PRDM16: variants seen among roughly 807,000 people sequenced by gnomAD.
The protein encoded by PRDM16 is histone-lysine N-methyltransferase PRDM16.
PRDM16 carries 23 observed loss-of-function variants against 110.6 expected under a neutral mutation model. That is an observed-to-expected ratio of 0.21 (90% CI 0.15 to 0.29). The LOEUF (loss-of-function observed/expected upper bound fraction) is 0.29. Ranked by LOEUF, PRDM16 falls within the 10% of genes least tolerant of loss-of-function variation. The pLI, the probability that PRDM16 is intolerant of heterozygous loss-of-function variation, is 1.00. For synonymous variants in PRDM16, 799 were observed against 781.8 expected (o/e 1.02, Z -0.37); for missense variants, 1,615 against 1,794.3 (o/e 0.90, Z 1.81).
intron 1 of PRDM16, among the ~76,000 whole-genome samples, chr1:3,126,170 G>A (rs1374035783): frequency 2.0e-5 from 3 of 152,172 alleles, no homozygotes; most frequent in East Asian, 1.9e-4. Flanking sequence ...GGGCCCGGGC[G>A]CCGCTGGCCG....
At chr1:3,180,895 C>T (rs74932712) in intron 1 of PRDM16, among the ~76,000 whole-genome samples, 24,961 of 142,186 alleles carry the variant, frequency 0.18, 2,684 homozygotes, top group East Asian at 0.37. Context: ...CACACGGCCT[C>T]ACACACGCAG....
At chr1:3,176,781 T>G (rs1450160104) in intron 1 of PRDM16, among the ~76,000 whole-genome samples, 3 of 137,944 alleles carry the variant, frequency 2.2e-5, no homozygotes, top group African/African-American at 8.2e-5. Flanking sequence ...TCCATCCCCT[T>G]ATAAATCCAT....
chr1:3,095,334 C>T (rs980324055), intron 1 of PRDM16, among the ~76,000 whole-genome samples: 16 of 152,136 alleles, frequency 1.1e-4, no homozygotes, highest in East Asian at 7.7e-4. Context: ...GCAAACAACT[C>T]GGTGTGTCTC....
Position 3,418,712 on chromosome 1 carries a change from C to T in PRDM16, c.2907C>T (p.His969=). 6.2e-7 allele frequency: 1 copy of T among 1,613,836 alleles called. No homozygotes were observed. Among genetic ancestry groups the T allele is most frequent in the South Asian group, 1.1e-5 (1 of 91,086 alleles). ...IFPRSANLTR[H]LRTHTGEQPY... ...CCAGATCAGCCAATCTCACCAGACA[C>T]CTGAGGACGCACACTGGGGAGCAGC... Residue 969 remains histidine (H), a synonymous_variant, in exon 12 of 17, where the codon CAC becomes CAT. Coordinates refer to ENST00000270722, the MANE Select transcript of PRDM16 (RefSeq NM_022114.4).
At chr1:3,430,143 G>A (rs1638727185) in intron 14 of PRDM16, among the ~76,000 whole-genome samples, 1 of 152,220 alleles carries the variant, frequency 6.6e-6, no homozygotes, top group Non-Finnish European at 1.5e-5. Flanking sequence ...ACAGCTCTTG[G>A]TCGTGAACAT....
intron 3 of PRDM16, among the ~76,000 whole-genome samples, chr1:3,325,941 CCTTGGCCATCCTCGACGATCCTTGGTCCT>C (rs1641884109): frequency 7.1e-6 from 1 of 141,426 alleles, no homozygotes; most frequent in African/African-American, 2.7e-5. Flanking sequence ...TCTTGGCCCT[CCTTGGCCATCCTCGACGATCCTTGGTCCT>C]CCTTGGCCAT....
intron 8 of PRDM16, among the ~76,000 whole-genome samples, chr1:3,407,268 C>T (rs896847507): frequency 6.6e-6 from 1 of 152,246 alleles, no homozygotes; most frequent in Non-Finnish European, 1.5e-5. Flanking sequence ...CAAGCCCCAG[C>T]GTCCAGCCGT....
rs1557663600 is a variant in PRDM16 at position 3,414,579 on chromosome 1, G to C, written c.2623G>C (p.Val875Leu). The C allele has an allele frequency of 6.2e-7, 1 of 1,613,452 alleles. No homozygotes were observed. The highest frequency in any genetic ancestry group is 1.7e-5 in the Admixed American group (1 of 60,002). Reference sequence around the variant, plus strand: ...GTCCAGCAGGGTAGAAAAGCGGAAGGTCACAGACCCCGTGGGAGCCCTGAA... The same window carrying C: ...GTCCAGCAGGGTAGAAAAGCGGAAGCTCACAGACCCCGTGGGAGCCCTGAA... ...PIYSRVEKRK[V>L]TDPVGALKEK... The change falls in exon 10 of 17, where the codon GTC (valine) becomes CTC (leucine). Residue 875 changes from valine to leucine, a missense_variant. By Grantham distance (32) the Val-to-Leu change is conservative. Transcript: ENST00000270722.
In PRDM16 at chr1:3,335,601, A is replaced by AC. The variant is rs1460604919; in HGVS notation, c.439-49551_439-49550insC. Among the ~76,000 whole-genome samples, 16 of 114,164 alleles carry AC rather than the reference A, an allele frequency of 1.4e-4. No homozygotes were observed. In the East Asian group the frequency reaches 3.7e-3, roughly 26 times the overall value. The allele number at this position is 114,164 out of a possible 152,430, so 74.9% of individuals were successfully genotyped here. On this transcript the variant is annotated intron_variant, in intron 3 of 16. Coordinates refer to ENST00000270722, the MANE Select transcript of PRDM16 (RefSeq NM_022114.4). ...GAAATCTAACCTTTGGCTGAGGTTA[A>AC]AACACACACACACACACACACACAC...
intron 2 of PRDM16, among the ~76,000 whole-genome samples, chr1:3,204,601 C>T (rs1281123928): frequency 2.0e-5 from 3 of 152,354 alleles, no homozygotes; most frequent in Non-Finnish European, 4.4e-5. Flanking sequence ...GCCAATAGCT[C>T]GGCTGCTCCG....
At chr1:3,394,542 GGCCAGGGTCCACATT>G (rs1643355797) in intron 4 of PRDM16, 1 of 417,828 alleles carries the variant, frequency 2.4e-6, no homozygotes, top group Non-Finnish European at 4.9e-6. Context: ...AGGGGCGGGC[GGCCAGGGTCCACATT>G]GCCCTCTAAC....
Position 3,433,886 on chromosome 1 carries a change from G to A in PRDM16, c.*75G>A. 1 of 1,521,428 alleles carries A rather than the reference G, an allele frequency of 6.6e-7. No homozygotes were observed. The highest frequency in any genetic ancestry group is 8.9e-7 in the Non-Finnish European group (1 of 1,118,654). 94.2% of individuals were successfully genotyped at this position (1,521,428 alleles called of 1,614,324 possible). A position where few individuals can be genotyped will look rare whatever the true frequency, so the allele number is the denominator to read the frequency against. On this transcript the variant is annotated 3_prime_UTR_variant, in exon 17 of 17. Transcript: ENST00000270722. ...AAGGACGGAGGCGGGCGGGGCCCCG[G>A]AGAACCCTGTCCCTGCGTGTGGCCA...
rs147204594 is a variant in PRDM16, at chr1:3,086,025, G to A, written c.37+16729G>A. ...GCCATAGGCTGGGCACCTTCCTTTGGCCTAAGTCAGTCTCAGAATGCGTAC... is the reference window on the plus strand; with the variant it reads ...GCCATAGGCTGGGCACCTTCCTTTGACCTAAGTCAGTCTCAGAATGCGTAC... On this transcript the variant is annotated intron_variant, in intron 1 of 16. Coordinates refer to ENST00000270722, the MANE Select transcript of PRDM16 (RefSeq NM_022114.4). Among the ~76,000 whole-genome samples, 195 of 152,354 alleles carry A rather than the reference G, an allele frequency of 1.3e-3. 1 individual carries two copies. The highest frequency in any genetic ancestry group is 8.3e-3 in the Admixed American group (127 of 15,308).
intron 3 of PRDM16, among the ~76,000 whole-genome samples, chr1:3,270,718 G>A (rs542129373): frequency 9.3e-5 from 14 of 150,212 alleles, no homozygotes; most frequent in African/African-American, 2.9e-4. Context: ...GAGGAGGACA[G>A]TCGGGAGGAG....
intron 3 of PRDM16, among the ~76,000 whole-genome samples, chr1:3,333,496 A>C (rs1642084114): frequency 2.0e-5 from 3 of 152,170 alleles, no homozygotes; most frequent in Admixed American, 2.0e-4. Context: ...GAGATGCAGG[A>C]AAAGGGGCTT....
chr1:3,378,756 C>T (rs1344829150), intron 3 of PRDM16, among the ~76,000 whole-genome samples: 1 of 152,082 alleles, frequency 6.6e-6, no homozygotes, highest in African/African-American at 2.4e-5. Context: ...GAATCAGAGA[C>T]AGTACAGGCC....
At chr1:3,119,198 A>G (rs12409836) in intron 1 of PRDM16, among the ~76,000 whole-genome samples, 37,728 of 152,110 alleles carry the variant, frequency 0.25, 5,675 homozygotes, top group African/African-American at 0.41. Context: ...GAGCCTGGCC[A>G]TTTGCTTTCA....
chr1:3,083,275 C>T (rs540646443), intron 1 of PRDM16, among the ~76,000 whole-genome samples: 4 of 152,304 alleles, frequency 2.6e-5, no homozygotes, highest in Admixed American at 6.5e-5. Flanking sequence ...AGCAACCTGG[C>T]GGCTGGGCCC....
chr1:3,364,222 G>C (rs1383802817), intron 3 of PRDM16, among the ~76,000 whole-genome samples: 1 of 152,178 alleles, frequency 6.6e-6, no homozygotes, highest in East Asian at 1.9e-4. Context: ...CAGTGAATGT[G>C]CTTGAAAAGA....
Sources: gnomAD v4.1 joint callset for allele counts (sites outside exome capture counted in the v4.1 genomes callset) on GRCh38, gnomAD v4.1.1 for gene constraint, MANE v1.5 for transcripts, NCBI Gene and HGNC (gene_info 2026-07-23, HGNC 2026-07-21) for gene names.